RNF214: variants seen among roughly 807,000 people sequenced by gnomAD.
RNF214 encodes ring finger protein 214.
A neutral mutation model predicts 75.9 loss-of-function variants in RNF214; 25 were observed. The ratio of observed to expected loss-of-function variants is 0.33; its 90% CI spans 0.24 to 0.46. The LOEUF (loss-of-function observed/expected upper bound fraction) is 0.46. Among genes scored for constraint, RNF214 ranks in the 20% least tolerant of loss-of-function variants. The probability of loss-of-function intolerance (pLI) is 1.00; values close to 1 mark genes in which losing one functional copy is unlikely to be tolerated. For synonymous variants in RNF214, 314 were observed against 308.8 expected (o/e 1.02, Z -0.18); for missense variants, 725 against 857.5 (o/e 0.85, Z 1.93).
intron 6 of RNF214, among the ~76,000 whole-genome samples, chr11:117,259,935 T>C (rs1014365714): frequency 6.6e-6 from 1 of 152,186 alleles, no homozygotes; most frequent in Non-Finnish European, 1.5e-5. Flanking sequence ...AAACTTTTCT[T>C]TTATAGTTAG....
intron 6 of RNF214, among the ~76,000 whole-genome samples, chr11:117,279,184 TAAG>T (rs1451728496): frequency 1.3e-5 from 2 of 152,178 alleles, no homozygotes; most frequent in Non-Finnish European, 2.9e-5. Context: ...TGTTGGGAAA[TAAG>T]AATGCAGAAT....
intron 6 of RNF214, among the ~76,000 whole-genome samples, chr11:117,256,312 A>G (rs2033521095): frequency 6.6e-6 from 1 of 152,248 alleles, no homozygotes; most frequent in East Asian, 1.9e-4. Flanking sequence ...ACTGTGTAAA[A>G]ATACCACTGT....
In RNF214 at chr11:117,238,760, A is replaced by G. The variant is rs1565327976; in HGVS notation, c.267A>G (p.Leu89=). 6.2e-7 allele frequency: 1 copy of G among 1,614,190 alleles called. No homozygotes were observed. Among genetic ancestry groups the G allele is most frequent in the East Asian group, 2.2e-5 (1 of 44,886 alleles). Residue 89 remains leucine, a synonymous_variant, in exon 3 of 15, where the codon TTA becomes TTG. Coordinates refer to ENST00000300650, the MANE Select transcript of RNF214 (RefSeq NM_207343.4). ...CCTCAGCAGCGCACCAGGTGGTTTT[A>G]GGAGAAAACTTGATAGCCACAGCCC... ...GDTSAAHQVV[L]GENLIATALC... is the part of the protein sequence containing the mutation.
At chr11:117,247,301 G>A (rs572358268) in intron 6 of RNF214, among the ~76,000 whole-genome samples, 101 of 152,150 alleles carry the variant, frequency 6.6e-4, no homozygotes, top group African/African-American at 2.4e-3. Flanking sequence ...ACCAGCCTGA[G>A]CAACCTAGCA....
At chr11:117,247,710 G>A (rs906548251) in intron 6 of RNF214, among the ~76,000 whole-genome samples, 4 of 151,904 alleles carry the variant, frequency 2.6e-5, no homozygotes, top group African/African-American at 9.7e-5. Flanking sequence ...AATTAGCCAG[G>A]CGTGGCGGCG....
intron 6 of RNF214, among the ~76,000 whole-genome samples, chr11:117,275,378 G>A (rs1231276327): frequency 6.6e-6 from 1 of 151,934 alleles, no homozygotes; most frequent in Non-Finnish European, 1.5e-5. Context: ...CAAACCCAAA[G>A]CTAGCAGAAG....
intron 2 of RNF214, 122 bp downstream of exon 2, chr11:117,234,501 A>G (rs1329177220): frequency 1.6e-6 from 1 of 642,844 alleles, no homozygotes; most frequent in Non-Finnish European, 2.8e-6. Context: ...AAGGTACAGG[A>G]CTGTCTGATC....
intron 6 of RNF214, among the ~76,000 whole-genome samples, chr11:117,247,908 A>G (rs368629616): frequency 2.0e-5 from 3 of 152,086 alleles, no homozygotes; most frequent in South Asian, 4.2e-4. Flanking sequence ...CCATGAGCAT[A>G]TTTTGAATGA....
chr11:117,242,998 A>G (rs1249383160), intron 4 of RNF214, among the ~76,000 whole-genome samples: 3 of 152,224 alleles, frequency 2.0e-5, no homozygotes, highest in African/African-American at 4.8e-5. Flanking sequence ...CCACCTGTAG[A>G]AGCCAGGTTC....
At chr11:117,250,698 G>A (rs1591823921) in intron 6 of RNF214, among the ~76,000 whole-genome samples, 1 of 143,512 alleles carries the variant, frequency 7.0e-6, no homozygotes, top group African/African-American at 2.6e-5. Context: ...AATAGTGGAG[G>A]GAAGGTCAGC....
intron 6 of RNF214, among the ~76,000 whole-genome samples, chr11:117,261,296 T>C (rs1306066040): frequency 1.3e-5 from 2 of 152,160 alleles, no homozygotes; most frequent in Non-Finnish European, 2.9e-5. Flanking sequence ...TTATAAATTA[T>C]TGGCTGGGCT....
chr11:117,278,159 G>GT (rs1445464361), intron 6 of RNF214, among the ~76,000 whole-genome samples: 1 of 151,576 alleles, frequency 6.6e-6, no homozygotes, highest in Non-Finnish European at 1.5e-5. Context: ...AAAAAATTAG[G>GT]TGGGTGTGGT....
At chr11:117,242,567 G>A (rs1029139288) in intron 4 of RNF214, among the ~76,000 whole-genome samples, 3 of 152,168 alleles carry the variant, frequency 2.0e-5, no homozygotes, top group African/African-American at 7.2e-5. Flanking sequence ...TAAAAAGGCA[G>A]TGAGGCCGGG....
At chr11:117,259,889 A>G (rs1411870716) in intron 6 of RNF214, among the ~76,000 whole-genome samples, 1 of 151,804 alleles carries the variant, frequency 6.6e-6, no homozygotes, top group East Asian at 1.9e-4. Flanking sequence ...TTTACTTTTT[A>G]ATTGCATTTT....
intron 6 of RNF214, among the ~76,000 whole-genome samples, chr11:117,270,257 T>C (rs1431389255): frequency 1.5e-5 from 2 of 136,744 alleles, no homozygotes; most frequent in African/African-American, 5.6e-5. Flanking sequence ...TTTTTTTTTT[T>C]TTTTTTTTTT....
intron 3 of RNF214, 113 bp downstream of exon 3, chr11:117,239,224 T>A (rs2033003573): frequency 8.9e-7 from 1 of 1,128,368 alleles, no homozygotes; most frequent in East Asian, 2.4e-5. Context: ...TGTTTTTTGT[T>A]TTTTTTGCTA....
In RNF214 at chr11:117,239,817, C is replaced by T; in HGVS notation, c.635C>T (p.Ala212Val). ...NIAVQTDFKT[A>V]DSEVNTDQDI... ...CCTTTATAGACTGACTTTAAGACAG[C>T]TGATTCAGAGGTAAACACAGATCAA... The change falls in exon 4 of 15, where the codon GCT (alanine) becomes GTT (valine). Residue 212 changes from alanine to valine, a missense_variant. Coordinates refer to ENST00000300650, the MANE Select transcript of RNF214 (RefSeq NM_207343.4). 1 of 1,562,642 alleles carries T rather than the reference C, an allele frequency of 6.4e-7. No individual in the cohort carries two copies. The highest frequency in any genetic ancestry group is 8.8e-7 in the Non-Finnish European group (1 of 1,133,450).
chr11:117,262,753 TTA>T, intron 6 of RNF214, among the ~76,000 whole-genome samples: 1 of 150,804 alleles, frequency 6.6e-6, no homozygotes, highest in Non-Finnish European at 1.5e-5. Context: ...TAAAATTTAG[TTA>T]TATCAGTTAC....
intron 2 of RNF214, among the ~76,000 whole-genome samples, chr11:117,237,319 G>T (rs185042296): frequency 6.6e-6 from 1 of 152,322 alleles, no homozygotes; most frequent in Admixed American, 6.5e-5. Context: ...GACCTCAAAT[G>T]ATCCTCCTGC....
Sources: allele counts gnomAD v4.1 joint callset (sites outside exome capture counted in the v4.1 genomes callset), GRCh38; gene constraint gnomAD v4.1.1; transcripts MANE v1.5; gene names NCBI Gene and HGNC (gene_info 2026-07-23, HGNC 2026-07-21).